RBFOX1: variants seen among roughly 807,000 people sequenced by gnomAD.
RBFOX1 encodes RNA binding fox-1 homolog 1, also known as RNA binding protein fox-1 homolog 1.
In RBFOX1, 8 loss-of-function variants were observed where a neutral mutation model predicts 57.7. The observed-to-expected ratio is 0.14, with a 90% confidence interval of 0.08 to 0.25. The LOEUF (loss-of-function observed/expected upper bound fraction) is 0.25. Among genes scored for constraint, RBFOX1 ranks in the 10% least tolerant of loss-of-function variants. The pLI is 1.00. For missense variants in RBFOX1, 611 were observed against 548.5 expected (o/e 1.11, Z -1.14); for synonymous variants, 326 against 222.4 (o/e 1.47, Z -4.15).
chr16:6,780,791 T>C (rs778275020), intron 3 of RBFOX1, among the ~76,000 whole-genome samples: 18 of 151,916 alleles, frequency 1.2e-4, no homozygotes, highest in Non-Finnish European at 2.4e-4. Context: ...TTGTATGTCT[T>C]CTTGAGAATT....
intron 3 of RBFOX1, among the ~76,000 whole-genome samples, chr16:5,812,758 C>A (rs1283378238): frequency 6.6e-6 from 1 of 152,138 alleles, no homozygotes; most frequent in Non-Finnish European, 1.5e-5. Context: ...CACCACCTTG[C>A]TCGGCCCAGT....
At chr16:7,439,672 A>G (rs1253337870) in intron 4 of RBFOX1, among the ~76,000 whole-genome samples, 1 of 152,222 alleles carries the variant, frequency 6.6e-6, no homozygotes, top group African/African-American at 2.4e-5. Flanking sequence ...AACTGTTTTA[A>G]AGGCACTATT....
At chr16:5,986,472 A>G (rs1172690000) in intron 4 of RBFOX1, among the ~76,000 whole-genome samples, 2 of 152,216 alleles carry the variant, frequency 1.3e-5, no homozygotes, top group African/African-American at 4.8e-5. Flanking sequence ...AAACTATGGT[A>G]CAATATCTTA....
intron 2 of RBFOX1, among the ~76,000 whole-genome samples, chr16:6,513,884 A>G (rs918906678): frequency 1.3e-4 from 20 of 152,298 alleles, no homozygotes; most frequent in African/African-American, 4.6e-4. Flanking sequence ...CAATACTGTC[A>G]CCTGAGGGGG....
At chr16:5,344,137 C>A (rs924301700) in intron 1 of RBFOX1, among the ~76,000 whole-genome samples, 4 of 152,218 alleles carry the variant, frequency 2.6e-5, no homozygotes, top group African/African-American at 7.2e-5. Flanking sequence ...TCCTTCAGAA[C>A]TGAGTCTTTA....
intron 2 of RBFOX1, among the ~76,000 whole-genome samples, chr16:6,342,913 C>G (rs187113954): frequency 7.2e-5 from 11 of 152,232 alleles, no homozygotes; most frequent in African/African-American, 2.6e-4. Flanking sequence ...CTGATGAAAT[C>G]AGGTGCTTTG....
At chr16:6,807,490 C>T (rs1373208325) in intron 3 of RBFOX1, among the ~76,000 whole-genome samples, 3 of 152,038 alleles carry the variant, frequency 2.0e-5, no homozygotes, top group Non-Finnish European at 2.9e-5. Flanking sequence ...GTTCTGCACT[C>T]ACTAATGGGA....
chr16:6,579,280 T>C (rs182856853), intron 2 of RBFOX1, among the ~76,000 whole-genome samples: 25 of 152,258 alleles, frequency 1.6e-4, no homozygotes, highest in African/African-American at 4.3e-4. Context: ...TATCGCTCTC[T>C]GTAGGCTTGA....
At chr16:5,830,390 T>C (rs527707662) in intron 3 of RBFOX1, among the ~76,000 whole-genome samples, 3 of 152,246 alleles carry the variant, frequency 2.0e-5, no homozygotes, top group South Asian at 4.1e-4. Context: ...TTTTTTTTTT[T>C]TGTTCTTTCT....
intron 4 of RBFOX1, among the ~76,000 whole-genome samples, chr16:7,239,342 T>C (rs183642557): frequency 1.1e-4 from 16 of 151,960 alleles, no homozygotes; most frequent in Non-Finnish European, 1.2e-4. Flanking sequence ...CTACTAAAAG[T>C]ACAAAAATTA....
At chr16:7,148,779 A>G (rs1051747565) in intron 4 of RBFOX1, among the ~76,000 whole-genome samples, 2 of 152,208 alleles carry the variant, frequency 1.3e-5, no homozygotes, top group Admixed American at 6.5e-5. Context: ...GCCTGAGACT[A>G]ATCCTGAGTT....
At chr16:5,352,499 A>G (rs1165802336) in intron 1 of RBFOX1, among the ~76,000 whole-genome samples, 1 of 152,172 alleles carries the variant, frequency 6.6e-6, no homozygotes, top group South Asian at 2.1e-4. Context: ...CTCTTTATGC[A>G]CACAGGCTCA....
At chr16:7,260,211 A>C (rs2094863461) in intron 4 of RBFOX1, among the ~76,000 whole-genome samples, 1 of 152,182 alleles carries the variant, frequency 6.6e-6, no homozygotes, top group Non-Finnish European at 1.5e-5. Flanking sequence ...CTTTTAGCGT[A>C]ATTAAAGTTG....
intron 2 of RBFOX1, among the ~76,000 whole-genome samples, chr16:6,541,064 A>G (rs141475160): frequency 1.3e-5 from 2 of 152,338 alleles, no homozygotes; most frequent in East Asian, 3.9e-4. Context: ...CTACTTTTAG[A>G]GATGGAAAAG....
intron 3 of RBFOX1, among the ~76,000 whole-genome samples, chr16:6,913,147 T>G (rs1307769685): frequency 1.3e-5 from 2 of 152,142 alleles, no homozygotes; most frequent in East Asian, 1.9e-4. Context: ...CACGTTTTTT[T>G]GTTTTGTTTT....
chr16:6,693,826 A>G (rs1568244429), intron 3 of RBFOX1, among the ~76,000 whole-genome samples: 1 of 152,136 alleles, frequency 6.6e-6, no homozygotes, highest in African/African-American at 2.4e-5. Flanking sequence ...ATTCTCCACT[A>G]CCATCACCAC....
intron 1 of RBFOX1, among the ~76,000 whole-genome samples, chr16:6,095,463 C>T (rs2096233571): frequency 6.6e-6 from 1 of 152,156 alleles, no homozygotes; most frequent in African/African-American, 2.4e-5. Context: ...CAGACAGTCC[C>T]AGCATCTTCT....
intron 1 of RBFOX1, among the ~76,000 whole-genome samples, chr16:6,055,554 C>G (rs1043438721): frequency 5.3e-5 from 7 of 132,416 alleles, no homozygotes; most frequent in Admixed American, 4.6e-4. Flanking sequence ...GATCGCACCA[C>G]TGCACTCCAG....
chr16:7,304,005 T>C (rs1001441400), intron 4 of RBFOX1, among the ~76,000 whole-genome samples: 1 of 150,936 alleles, frequency 6.6e-6, no homozygotes, highest in Non-Finnish European at 1.5e-5. Context: ...TTCCGGGGGA[T>C]CAAAAAGCAG....
Sources: gnomAD v4.1 joint callset for allele counts (sites outside exome capture counted in the v4.1 genomes callset) on GRCh38, gnomAD v4.1.1 for gene constraint, MANE v1.5 for transcripts, NCBI Gene and HGNC (gene_info 2026-07-23, HGNC 2026-07-21) for gene names.